Variants in ADGRV1 observed in about 807,000 individuals in gnomAD.
The protein encoded by ADGRV1 is adhesion G protein-coupled receptor V1, also known as G-protein coupled receptor 98.
In ADGRV1, 359 loss-of-function variants were observed where a neutral mutation model predicts 596.2. The ratio of observed to expected loss-of-function variants is 0.60; its 90% CI spans 0.55 to 0.66. The LOEUF is 0.66. Among genes scored for constraint, ADGRV1 ranks in the 30% least tolerant of loss-of-function variants. The probability of loss-of-function intolerance (pLI) is 0.00; values close to 1 mark genes in which losing one functional copy is unlikely to be tolerated. For synonymous variants in ADGRV1, 2,681 were observed against 2,679.2 expected (o/e 1.00, Z -0.02); for missense variants, 7,274 against 7,575.6 (o/e 0.96, Z 1.48).
At chr5:90,928,579 G>A (rs960361722) in intron 83 of ADGRV1, among the ~76,000 whole-genome samples, 3 of 150,202 alleles carry the variant, frequency 2.0e-5, no homozygotes, top group African/African-American at 7.4e-5. Flanking sequence ...TGGTTTGAAT[G>A]TCCTCCCGTA....
chr5:91,158,127 A>G (rs1796625843), intron 89 of ADGRV1, among the ~76,000 whole-genome samples: 1 of 152,198 alleles, frequency 6.6e-6, no homozygotes, highest in Admixed American at 6.5e-5. Flanking sequence ...AGTTTCTACC[A>G]TGTATCTGAT....
chr5:90,692,851 C>A, intron 32 of ADGRV1, 65 bp downstream of exon 32: 1 of 1,220,252 alleles, frequency 8.2e-7, no homozygotes, highest in Non-Finnish European at 1.1e-6. Context: ...GGGAAGGATC[C>A]CTTGCACAGT....
intron 87 of ADGRV1, among the ~76,000 whole-genome samples, chr5:91,139,403 T>C (rs779107064): frequency 7.2e-5 from 11 of 152,206 alleles, no homozygotes; most frequent in South Asian, 2.1e-4. Context: ...AAGTCAGGAA[T>C]ACAAAAATCG....
chr5:90,627,097 A>C lies in ADGRV1; in HGVS notation c.673-114A>C, dbSNP rs912764128. On this transcript the variant is annotated intron_variant, in intron 6 of 89. Transcript: ENST00000405460. ...GCCTTTCTATTTGCTCCCTCAGTTA[A>C]AGAATTTTTATTTCTATGTAATTGT... The C allele has an allele frequency of 5.3e-6, 3 of 567,912 alleles. No individual in the cohort carries two copies. In the African/African-American group the frequency reaches 5.7e-5, roughly 11 times the overall value. The allele number at this position is 567,912 out of a possible 1,614,324, so 35.2% of individuals were successfully genotyped here.
chr5:90,875,758 G>C (rs1054770397), intron 83 of ADGRV1, among the ~76,000 whole-genome samples: 6 of 152,236 alleles, frequency 3.9e-5, no homozygotes, highest in African/African-American at 1.2e-4. Context: ...AGCAGGTTTG[G>C]AGATGAGAGA....
At chr5:90,772,366 T>C (rs1165699954) in intron 59 of ADGRV1, among the ~76,000 whole-genome samples, 1 of 152,232 alleles carries the variant, frequency 6.6e-6, no homozygotes, top group Non-Finnish European at 1.5e-5. Context: ...TAAACAAATG[T>C]TCTTTTTCCA....
intron 50 of ADGRV1, among the ~76,000 whole-genome samples, chr5:90,733,575 C>A (rs920347807): frequency 6.6e-6 from 1 of 152,252 alleles, no homozygotes; most frequent in African/African-American, 2.4e-5. Context: ...AAGCATTTAA[C>A]ATTTAGGCAG....
intron 7 of ADGRV1, 184 bp downstream of exon 7, chr5:90,627,960 A>G (rs920141905): frequency 2.5e-6 from 1 of 394,188 alleles, no homozygotes; most frequent in Non-Finnish European, 4.5e-6. Context: ...ACACACACAC[A>G]CAAGAATATG....
At chr5:91,163,570 G>A (rs544800290) in intron 89 of ADGRV1, among the ~76,000 whole-genome samples, 9 of 152,250 alleles carry the variant, frequency 5.9e-5, no homozygotes, top group African/African-American at 2.2e-4. Flanking sequence ...TGTGTCTTTA[G>A]AAATTAATCC....
At chr5:90,748,476 CA>C (rs1287402872) in intron 52 of ADGRV1, among the ~76,000 whole-genome samples, 1 of 150,732 alleles carries the variant, frequency 6.6e-6, no homozygotes, top group African/African-American at 2.4e-5. Flanking sequence ...ATCTTGTCTT[CA>C]AATTTTAGTG....
chr5:90,614,523 G>A (rs899170606), intron 1 of ADGRV1, among the ~76,000 whole-genome samples: 2 of 152,078 alleles, frequency 1.3e-5, no homozygotes, highest in African/African-American at 2.4e-5. Flanking sequence ...TTCTTAAAAT[G>A]TGGATGTCAA....
intron 34 of ADGRV1, 62 bp from the exon 35 acceptor site, chr5:90,703,603 G>A (rs1333282108): frequency 2.3e-6 from 3 of 1,277,916 alleles, no homozygotes; most frequent in East Asian, 4.9e-5. Context: ...GGGTTTTGTT[G>A]AGTTCAAATG....
intron 45 of ADGRV1, among the ~76,000 whole-genome samples, chr5:90,723,459 T>C (rs769664236): frequency 2.0e-5 from 3 of 152,202 alleles, no homozygotes; most frequent in Admixed American, 6.5e-5. Context: ...GCTTGGACTT[T>C]GCATGTGTTT....
At position 90,855,674 on chromosome 5, in the gene ADGRV1, T is replaced by C. The variant is rs181650797; in HGVS notation, c.17595-67T>C. 4.5e-6 allele frequency: 5 copies of C among 1,117,014 alleles called. No homozygotes were observed. In the East Asian group the frequency reaches 1.2e-4, roughly 28 times the overall value. The allele number at this position is 1,117,014 out of a possible 1,614,324, so 69.2% of individuals were successfully genotyped here. A position where few individuals can be genotyped will look rare whatever the true frequency, so the allele number is the denominator to read the frequency against. ...TTAATTTCAGTAAGCTATTTTTCTT[T>C]AAAAGCCATCTCAACACCTTCAGTA... On this transcript the variant is annotated intron_variant, in intron 81 of 89. Transcript: ENST00000405460.
chr5:91,001,347 A>T (rs1781842974), intron 85 of ADGRV1, among the ~76,000 whole-genome samples: 1 of 152,074 alleles, frequency 6.6e-6, no homozygotes, highest in Non-Finnish European at 1.5e-5. Flanking sequence ...CAAAGTGCTG[A>T]GATTATAGGC....
chr5:90,934,654 G>A (rs569842614), intron 83 of ADGRV1, among the ~76,000 whole-genome samples: 2 of 152,308 alleles, frequency 1.3e-5, no homozygotes, highest in East Asian at 1.9e-4. Context: ...AGGGACCACT[G>A]CTTCTTCAGA....
intron 85 of ADGRV1, among the ~76,000 whole-genome samples, chr5:91,006,432 C>T (rs2151126557): frequency 6.6e-6 from 1 of 152,202 alleles, no homozygotes; most frequent in Non-Finnish European, 1.5e-5. Flanking sequence ...CATACAAAAT[C>T]CAGAAATAAA....
At position 90,683,739 on chromosome 5, in the gene ADGRV1, G is replaced by C. The variant is rs1329042352; in HGVS notation, c.5818G>C (p.Asp1940His). 17 of 1,613,844 alleles carry C rather than the reference G, an allele frequency of 1.1e-5. No individual in the cohort carries two copies. The highest frequency in any genetic ancestry group is 1.4e-5 in the Non-Finnish European group (17 of 1,179,858). Residue 1940 changes from aspartate (D) to histidine (H), a missense_variant, in exon 28 of 90, where the codon GAC becomes CAC. By Grantham distance (81) the Asp-to-His change is moderately conservative. Around this residue, in one of 5 missense-constraint regions of ADGRV1, gnomAD observed 3,643 missense variants for 3,809.2 expected, o/e 0.96. Transcript: ENST00000405460. ...CACTGTGGAGATATTGCCTGACGAA[G>C]ACCCAGAACTGGATAAGGCATTCTC... ...NITVEILPDE[D>H]PELDKAFSVS...
intron 4 of ADGRV1, among the ~76,000 whole-genome samples, chr5:90,621,929 C>G (rs1764135425): frequency 6.6e-6 from 1 of 152,108 alleles, no homozygotes; most frequent in Admixed American, 6.6e-5. Context: ...AACCTCATCA[C>G]AACCCTTCAA....
Sources: gnomAD v4.1 joint callset for allele counts (sites outside exome capture counted in the v4.1 genomes callset) on GRCh38, gnomAD v4.1.1 for gene constraint, gnomAD v4.1.1 regional missense constraint, MANE v1.5 for transcripts, NCBI Gene and HGNC (gene_info 2026-07-23, HGNC 2026-07-21) for gene names.